Variants in ROBO2 observed in about 807,000 individuals in gnomAD.
ROBO2 encodes roundabout homolog 2.
Under a neutral mutation model 160.8 loss-of-function variants are expected in ROBO2, and 53 were observed. The observed-to-expected ratio is 0.33, with a 90% CI of 0.26 to 0.41. ROBO2 has a LOEUF of 0.41. Ranked by LOEUF, ROBO2 falls within the 10% of genes least tolerant of loss-of-function variation. ROBO2 has a pLI of 1.00. For synonymous variants in ROBO2, 664 were observed against 611.7 expected (o/e 1.09, Z -1.26); for missense variants, 1,577 against 1,722.4 (o/e 0.92, Z 1.49).
chr3:76,725,390 A>G (rs920050949), intron 2 of ROBO2, among the ~76,000 whole-genome samples: 38 of 152,138 alleles, frequency 2.5e-4, no homozygotes, highest in African/African-American at 9.2e-4. Flanking sequence ...GCTCTGTGGC[A>G]AACTGACCTA....
intron 2 of ROBO2, among the ~76,000 whole-genome samples, chr3:77,189,261 G>A (rs1347435163): frequency 6.6e-6 from 1 of 151,798 alleles, no homozygotes; most frequent in Non-Finnish European, 1.5e-5. Context: ...AACTAGGTAT[G>A]ATAGGGTTAA....
At chr3:76,192,484 A>G (rs1157565069) in intron 2 of ROBO2, among the ~76,000 whole-genome samples, 2 of 150,972 alleles carry the variant, frequency 1.3e-5, no homozygotes, top group Non-Finnish European at 3.0e-5. Flanking sequence ...GAAGAAATGA[A>G]ATCTTCAGGA....
At chr3:76,738,261 T>A (rs538810058) in intron 2 of ROBO2, among the ~76,000 whole-genome samples, 163 of 152,358 alleles carry the variant, frequency 1.1e-3, no homozygotes, top group African/African-American at 3.6e-3. Flanking sequence ...TAAGGCCTGA[T>A]ACTCATTAGG....
intron 2 of ROBO2, among the ~76,000 whole-genome samples, chr3:76,214,574 C>T (rs1177748424): frequency 6.6e-6 from 1 of 152,170 alleles, no homozygotes; most frequent in Non-Finnish European, 1.5e-5. Context: ...GCTAGCACAG[C>T]AGTCTGAGAT....
At position 75,939,105 on chromosome 3, in the gene ROBO2, C is replaced by T. The variant is rs555106803; in HGVS notation, c.109+1503C>T. 2.0e-4 allele frequency among the ~76,000 whole-genome samples: 30 copies of T among 151,764 alleles called. 1 individual carries two copies. Among genetic ancestry groups the T allele is most frequent in the South Asian group, 1.2e-3 (6 of 4,808 alleles). The stretch of plus-strand genomic sequence containing the variant: ...ATCCAGCATGACGTGTAGTATGACA[C>T]AGGGTTGCTGAAACAAGAATATGTA... On this transcript the variant is annotated intron_variant, in intron 2 of 26. Coordinates refer to the ROBO2 transcript ENST00000487694.
At chr3:76,879,402 T>C (rs939365655) in intron 2 of ROBO2, among the ~76,000 whole-genome samples, 1 of 152,090 alleles carries the variant, frequency 6.6e-6, no homozygotes, top group African/African-American at 2.4e-5. Context: ...TGAAATATCA[T>C]TTTGCTTATC....
intron 2 of ROBO2, among the ~76,000 whole-genome samples, chr3:76,384,655 A>G (rs1013683284): frequency 2.6e-5 from 4 of 152,180 alleles, no homozygotes; most frequent in African/African-American, 9.6e-5. Context: ...ACTTACAACC[A>G]TGGCAGAAGG....
intron 2 of ROBO2, among the ~76,000 whole-genome samples, chr3:77,331,072 C>T (rs1275567442): frequency 6.6e-6 from 1 of 152,130 alleles, no homozygotes; most frequent in Non-Finnish European, 1.5e-5. Flanking sequence ...AAGAAAAGAG[C>T]CCTGAGGCAT....
chr3:77,519,545 T>C (rs2153625434), intron 5 of ROBO2, among the ~76,000 whole-genome samples: 1 of 151,476 alleles, frequency 6.6e-6, no homozygotes, highest in Admixed American at 6.6e-5. Context: ...GTGTCTATTG[T>C]TTCCATCTTT....
At chr3:76,461,217 G>A (rs563375042) in intron 2 of ROBO2, among the ~76,000 whole-genome samples, 1 of 152,188 alleles carries the variant, frequency 6.6e-6, no homozygotes, top group South Asian at 2.1e-4. Context: ...AGCAAGGCTG[G>A]GGTTGTAGGG....
chr3:77,068,141 AAC>A (rs1378411519), intron 1 of ROBO2, among the ~76,000 whole-genome samples: 1 of 152,140 alleles, frequency 6.6e-6, no homozygotes, highest in Non-Finnish European at 1.5e-5. Context: ...ATAAAGTTGT[AAC>A]TAAAGGGAAG....
chr3:77,319,096 T>A (rs561842308), intron 2 of ROBO2, among the ~76,000 whole-genome samples: 2 of 152,206 alleles, frequency 1.3e-5, no homozygotes, highest in Non-Finnish European at 2.9e-5. Context: ...TGTTTCTATT[T>A]TTCATTTTAA....
At chr3:76,281,141 G>A (rs904019282) in intron 2 of ROBO2, among the ~76,000 whole-genome samples, 3 of 151,764 alleles carry the variant, frequency 2.0e-5, no homozygotes, top group Admixed American at 6.6e-5. Flanking sequence ...CCCATCTGTA[G>A]AGAAATGCCA....
intron 2 of ROBO2, among the ~76,000 whole-genome samples, chr3:76,155,980 A>G (rs2072390896): frequency 6.6e-6 from 1 of 152,082 alleles, no homozygotes; most frequent in South Asian, 2.1e-4. Context: ...TTTTCATCCA[A>G]AAGACATATT....
chr3:76,050,760 T>C (rs971416148), intron 2 of ROBO2, among the ~76,000 whole-genome samples: 3 of 152,216 alleles, frequency 2.0e-5, no homozygotes, highest in East Asian at 3.8e-4. Context: ...AAATGCCTTC[T>C]TCCCTCCTAC....
At chr3:76,101,785 T>C (rs1315126853) in intron 2 of ROBO2, among the ~76,000 whole-genome samples, 1 of 139,788 alleles carries the variant, frequency 7.2e-6, no homozygotes, top group East Asian at 2.4e-4. Flanking sequence ...CCCCGGGGTG[T>C]GATGTTCCCC....
Position 76,191,243 on chromosome 3 carries a change from T to C in ROBO2, c.109+253641T>C, listed in dbSNP as rs546989150. Reference sequence around the variant, plus strand: ...TTACACTGAATTCTTAATATGCATGTGGTGCCTACAAATATAATTTCAACA... The same window carrying C: ...TTACACTGAATTCTTAATATGCATGCGGTGCCTACAAATATAATTTCAACA... On this transcript the variant is annotated intron_variant, in intron 2 of 26. Coordinates refer to the ROBO2 transcript ENST00000487694. 1.7e-3 allele frequency among the ~76,000 whole-genome samples: 265 copies of C among 152,270 alleles called. 1 individual carries two copies. The highest frequency in any genetic ancestry group is 6.1e-3 in the African/African-American group (255 of 41,578).
intron 1 of ROBO2, among the ~76,000 whole-genome samples, chr3:77,057,889 TG>T (rs950745947): frequency 2.6e-5 from 4 of 152,086 alleles, no homozygotes; most frequent in Non-Finnish European, 4.4e-5. Context: ...AAAAAATATG[TG>T]GCTGACGGGT....
At chr3:76,321,289 G>A (rs1456413982) in intron 2 of ROBO2, among the ~76,000 whole-genome samples, 3 of 152,082 alleles carry the variant, frequency 2.0e-5, no homozygotes, top group Non-Finnish European at 4.4e-5. Context: ...GGCCGAGGTG[G>A]GCGGATCACG....
Sources: gnomAD v4.1 joint callset for allele counts (sites outside exome capture counted in the v4.1 genomes callset) on GRCh38, gnomAD v4.1.1 for gene constraint, MANE v1.5 for transcripts, NCBI Gene and HGNC (gene_info 2026-07-23, HGNC 2026-07-21) for gene names.